Variants in DSCAML1 observed in about 807,000 individuals in gnomAD.
The protein encoded by DSCAML1 is cell adhesion molecule DSCAML1.
DSCAML1 carries 38 observed loss-of-function variants against 200.5 expected under a neutral mutation model. That is an observed-to-expected ratio of 0.19 (90% CI 0.15 to 0.25). DSCAML1 has a LOEUF of 0.25. Ranked by LOEUF, DSCAML1 falls within the 10% of genes least tolerant of loss-of-function variation. DSCAML1 has a pLI of 1.00. For synonymous variants in DSCAML1, 1,215 were observed against 1,165.0 expected, an observed-to-expected ratio of 1.04 and a Z score of -0.87; for missense variants, 2,223 against 2,858.8, an observed-to-expected ratio of 0.78 and a Z score of 5.07.
In DSCAML1 at chr11:117,435,629, A is replaced by T. The variant is rs374712676; in HGVS notation, c.4876+15T>A. The stretch of plus-strand genomic sequence containing the variant: ...CAACACCCCCTCCTGGAAGGCCCAT[A>T]GGAAGCTCCCCCACCTCGGAGTCGC... On this transcript the variant is annotated intron_variant, in intron 27 of 32. Transcript: ENST00000651296. The T allele has an allele frequency of 2.3e-5, 37 of 1,588,020 alleles. No individual in the cohort carries two copies. The highest frequency in any genetic ancestry group is 3.2e-5 in the Non-Finnish European group (37 of 1,160,092).
At chr11:117,478,586 T>G (rs935782092) in intron 14 of DSCAML1, among the ~76,000 whole-genome samples, 1 of 152,210 alleles carries the variant, frequency 6.6e-6, no homozygotes, top group East Asian at 1.9e-4. Flanking sequence ...GCTCAGACAT[T>G]GTTAGCGGCT....
rs1034206064 is a variant in DSCAML1, at chr11:117,624,380, A to C, written c.512-91858T>G. 3.3e-5 allele frequency among the ~76,000 whole-genome samples: 5 copies of C among 152,264 alleles called. 1 individual carries two copies. In the South Asian group the frequency reaches 6.2e-4, roughly 19 times the overall value. The stretch of plus-strand genomic sequence containing the variant: ...TTGATAGAGTAGTGAATGGAAAGGC[A>C]CTATTAATCTGCAAATAGAAGGGGA... On this transcript the variant is annotated intron_variant, in intron 3 of 32. Transcript: ENST00000651296.
chr11:117,718,402 A>C (rs577487681), intron 3 of DSCAML1, among the ~76,000 whole-genome samples: 111 of 152,262 alleles, frequency 7.3e-4, no homozygotes, highest in Middle Eastern at 3.4e-3. Context: ...CCGGGAACAA[A>C]CTCAGTTCCA....
At chr11:117,460,958 C>G (rs900117767) in intron 18 of DSCAML1, among the ~76,000 whole-genome samples, 1 of 152,008 alleles carries the variant, frequency 6.6e-6, no homozygotes, top group Non-Finnish European at 1.5e-5. Context: ...GTCCCAGGTG[C>G]CCACCTCCCT....
chr11:117,739,035 C>T (rs2054374740), intron 3 of DSCAML1, among the ~76,000 whole-genome samples: 2 of 152,220 alleles, frequency 1.3e-5, no homozygotes, highest in African/African-American at 4.8e-5. Context: ...AGGGTTTGAA[C>T]AACACTTGTA....
chr11:117,573,916 G>A (rs1030946714), intron 3 of DSCAML1, among the ~76,000 whole-genome samples: 1 of 152,202 alleles, frequency 6.6e-6, no homozygotes, highest in Non-Finnish European at 1.5e-5. Flanking sequence ...TCCTCCCTCT[G>A]CTGCTGTGAG....
intron 32 of DSCAML1, 130 bp from the exon 33 acceptor site, chr11:117,428,933 C>A: frequency 1.3e-6 from 1 of 778,454 alleles, no homozygotes; most frequent in South Asian, 1.7e-5. Context: ...CACTGGGGGG[C>A]AATAAAGAGT....
chr11:117,550,465 G>T (rs1369976653), intron 3 of DSCAML1, among the ~76,000 whole-genome samples: 1 of 152,138 alleles, frequency 6.6e-6, no homozygotes, highest in Non-Finnish European at 1.5e-5. Context: ...TGAAAGCCCA[G>T]TGTCTGTTTA....
At chr11:117,683,446 C>A (rs927757932) in intron 3 of DSCAML1, among the ~76,000 whole-genome samples, 2 of 152,242 alleles carry the variant, frequency 1.3e-5, no homozygotes, top group Non-Finnish European at 2.9e-5. Flanking sequence ...CGAGTTCAGT[C>A]ATCTGCGAGT....
intron 5 of DSCAML1, 142 bp downstream of exon 5, chr11:117,524,663 A>G: frequency 9.5e-7 from 1 of 1,057,722 alleles, no homozygotes; most frequent in Non-Finnish European, 1.3e-6. Flanking sequence ...TTTCCAGGAT[A>G]CCAGACTGCC....
rs890743888 is a variant in DSCAML1, at chr11:117,642,040, C to T, written c.512-109518G>A. 2.0e-5 allele frequency among the ~76,000 whole-genome samples: 3 copies of T among 152,178 alleles called. No individual in the cohort carries two copies. The highest frequency in any genetic ancestry group is 7.2e-5 in the African/African-American group (3 of 41,436). ...CCCACCCTGCCTCTCCCCACTCCAA[C>T]AGCCCCTGGTGACAGCTCCCTTTTC... On this transcript the variant is annotated intron_variant, in intron 3 of 32. Transcript: ENST00000651296. The surrounding 1 kb of genome is among the most constrained non-coding windows in gnomAD (Gnocchi z 4.1).
At chr11:117,692,966 T>C (rs1688609460) in intron 3 of DSCAML1, among the ~76,000 whole-genome samples, 1 of 152,192 alleles carries the variant, frequency 6.6e-6, no homozygotes, top group African/African-American at 2.4e-5. Flanking sequence ...CCCCTCGCCA[T>C]CTTGAGTGCC....
Position 117,780,135 on chromosome 11 carries a change from AAAAG to A in DSCAML1, c.364+354_364+357del, listed in dbSNP as rs1284351965. ...GAGTGAGGCTCTGTCTCAAAAAGCA[AAAAG>A]AAAGAGAGAGAGAGAGAGAGAAAGA... On this transcript the variant is annotated intron_variant, in intron 2 of 32. Transcript: ENST00000651296. This position sits in a 1 kb window ranked among gnomAD's most constrained non-coding sequence, Gnocchi z 4.8. 6.6e-6 allele frequency among the ~76,000 whole-genome samples: 1 copy of A among 150,828 alleles called. No homozygotes were observed. Among genetic ancestry groups the A allele is most frequent in the African/African-American group, 2.5e-5 (1 of 40,760 alleles).
intron 3 of DSCAML1, among the ~76,000 whole-genome samples, chr11:117,765,221 C>T (rs1184411159): frequency 6.6e-6 from 1 of 152,244 alleles, no homozygotes; most frequent in African/African-American, 2.4e-5. Context: ...TGCCTGGCTC[C>T]AACCGGCTTG....
At chr11:117,657,224 C>A (rs932093421) in intron 3 of DSCAML1, among the ~76,000 whole-genome samples, 3 of 152,120 alleles carry the variant, frequency 2.0e-5, no homozygotes, top group African/African-American at 4.8e-5. Flanking sequence ...GCAAAAGGGC[C>A]CCATCTCCCT....
intron 3 of DSCAML1, among the ~76,000 whole-genome samples, chr11:117,687,586 T>G (rs571975997): frequency 1.3e-5 from 2 of 152,212 alleles, no homozygotes; most frequent in South Asian, 4.2e-4. Flanking sequence ...TTAAACCCTC[T>G]AATTCTTTGC....
At chr11:117,600,988 C>T (rs954172020) in intron 3 of DSCAML1, among the ~76,000 whole-genome samples, 109 of 152,244 alleles carry the variant, frequency 7.2e-4, no homozygotes, top group African/African-American at 2.5e-3. Flanking sequence ...AGGAATCATC[C>T]GAGAGTAGTT....
chr11:117,602,402 C>A (rs1454170325), intron 3 of DSCAML1, among the ~76,000 whole-genome samples: 1 of 152,148 alleles, frequency 6.6e-6, no homozygotes, highest in Admixed American at 6.5e-5. Flanking sequence ...ACTGTGTCAC[C>A]CACGCTGCAG....
At position 117,674,418 on chromosome 11, in the gene DSCAML1, A is replaced by G. The variant is rs183146408; in HGVS notation, c.511+102373T>C. On this transcript the variant is annotated intron_variant, in intron 3 of 32. Coordinates refer to ENST00000651296, the MANE Select transcript of DSCAML1 (RefSeq NM_020693.4). ...TTCTACAGCAAGGTAAGGGAGTTCT[A>G]GGTAGAGGCATTTCTGAAGGGCCAG... Among the ~76,000 whole-genome samples the G allele has an allele frequency of 1.1e-3, 173 of 152,228 alleles. 4 individuals carry two copies. The highest frequency in any genetic ancestry group is 1.2e-4 in the Non-Finnish European group (8 of 68,006).
Sources: allele counts gnomAD v4.1 joint callset (sites outside exome capture counted in the v4.1 genomes callset), GRCh38; gene constraint gnomAD v4.1.1; non-coding constraint Gnocchi (gnomAD v3.1); transcripts MANE v1.5; gene names NCBI Gene and HGNC (gene_info 2026-07-23, HGNC 2026-07-21).